Variants in TTC29 observed in about 807,000 individuals in gnomAD.
The protein encoded by TTC29 is tetratricopeptide repeat protein 29.
TTC29 carries 49 observed loss-of-function variants against 58.1 expected under a neutral mutation model. The ratio of observed to expected loss-of-function variants is 0.84; its 90% CI spans 0.67 to 1.07. The LOEUF is 1.07. Ranked by LOEUF, TTC29 falls within the 50% of genes least tolerant of loss-of-function variation. The pLI, the probability that TTC29 is intolerant of heterozygous loss-of-function variation, is 0.00. For missense variants in TTC29, 582 were observed against 555.6 expected, an observed-to-expected ratio of 1.05 and a Z score of -0.48; for synonymous variants, 209 against 196.8, an observed-to-expected ratio of 1.06 and a Z score of -0.52.
chr4:146,744,801 G>A (rs750783852), intron 11 of TTC29, among the ~76,000 whole-genome samples: 4 of 152,116 alleles, frequency 2.6e-5, no homozygotes, highest in Admixed American at 6.6e-5. Context: ...CTAGGCCCTA[G>A]AAATGTCTGG....
intron 11 of TTC29, among the ~76,000 whole-genome samples, chr4:146,784,064 C>CAGGTAT (rs1322040097): frequency 6.7e-6 from 1 of 149,666 alleles, no homozygotes; most frequent in Non-Finnish European, 1.5e-5. Context: ...AGCTAAGTCT[C>CAGGTAT]AGGTATAGTA....
At chr4:146,920,824 A>G (rs1241863118) in intron 4 of TTC29, among the ~76,000 whole-genome samples, 1 of 151,128 alleles carries the variant, frequency 6.6e-6, no homozygotes, top group African/African-American at 2.4e-5. Context: ...GAGAAATTAT[A>G]TATATTCTAT....
intron 5 of TTC29, among the ~76,000 whole-genome samples, chr4:146,908,242 C>A (rs575954618): frequency 5.9e-5 from 9 of 152,068 alleles, no homozygotes; most frequent in South Asian, 2.1e-4. Context: ...GTATTTTCCC[C>A]AAAAAATTTG....
intron 11 of TTC29, among the ~76,000 whole-genome samples, chr4:146,710,288 T>C (rs797013599): frequency 2.6e-5 from 4 of 152,252 alleles, no homozygotes; most frequent in African/African-American, 9.6e-5. Flanking sequence ...CTATAGTGAA[T>C]ATTGTAGGCA....
intron 11 of TTC29, among the ~76,000 whole-genome samples, chr4:146,761,168 A>C (rs902580789): frequency 1.3e-5 from 2 of 151,886 alleles, no homozygotes; most frequent in Non-Finnish European, 2.9e-5. Context: ...AAATCTCATA[A>C]GTCACCACTA....
In TTC29 at chr4:146,862,251, T is replaced by TTATA. The variant is rs113005790; in HGVS notation, c.885+5243_885+5246dup. 2.7e-3 allele frequency among the ~76,000 whole-genome samples: 398 copies of TTATA among 147,106 alleles called. 4 individuals are homozygous for TTATA. The highest frequency in any genetic ancestry group is 8.9e-3 in the African/African-American group (361 of 40,442). ...CTACATATTTATTTATATTTTATCATTATATATATATATATATACATATAC... is the reference window on the plus strand; with the variant it reads ...CTACATATTTATTTATATTTTATCATTATATATATATATATATATATACATATAC... On this transcript the variant is annotated intron_variant, in intron 8 of 12. Coordinates refer to ENST00000325106, the MANE Select transcript of TTC29 (RefSeq NM_031956.4).
intron 8 of TTC29, among the ~76,000 whole-genome samples, chr4:146,842,931 A>C (rs1728938363): frequency 6.6e-6 from 1 of 152,154 alleles, no homozygotes; most frequent in African/African-American, 2.4e-5. Context: ...ATTTCTGGCA[A>C]TCTAACCCCC....
At chr4:146,931,861 T>C (rs1364437293) in intron 4 of TTC29, among the ~76,000 whole-genome samples, 2 of 152,202 alleles carry the variant, frequency 1.3e-5, no homozygotes, top group East Asian at 3.8e-4. Flanking sequence ...CATTTTTTTG[T>C]ACCTAGTGAA....
intron 9 of TTC29, 49 bp from the exon 10 acceptor site, chr4:146,820,297 T>A (rs779087138): frequency 6.3e-7 from 1 of 1,580,694 alleles, no homozygotes; most frequent in South Asian, 1.1e-5. Context: ...TCACTTAATG[T>A]CACAGTAAAG....
intron 8 of TTC29, among the ~76,000 whole-genome samples, chr4:146,842,885 T>A (rs1728936408): frequency 6.6e-6 from 1 of 152,170 alleles, no homozygotes; most frequent in Non-Finnish European, 1.5e-5. Context: ...GAGCTTGAAA[T>A]CATTGTCAAA....
intron 9 of TTC29, among the ~76,000 whole-genome samples, chr4:146,825,784 T>C (rs1727749677): frequency 6.6e-6 from 1 of 152,254 alleles, no homozygotes; most frequent in Non-Finnish European, 1.5e-5. Flanking sequence ...ATCTGGGTGC[T>C]CCTGCATTGG....
chr4:146,753,918 G>C (rs555532623), intron 11 of TTC29, among the ~76,000 whole-genome samples: 15 of 152,078 alleles, frequency 9.9e-5, no homozygotes, highest in East Asian at 3.9e-4. Context: ...GTGGGGGAAG[G>C]GGGGAGGGAT....
intron 11 of TTC29, among the ~76,000 whole-genome samples, chr4:146,708,028 T>TCCAGC (rs2149984773): frequency 6.6e-6 from 1 of 151,964 alleles, no homozygotes; most frequent in South Asian, 2.1e-4. Flanking sequence ...AGTCTAGCCT[T>TCCAGC]CCAGCCATCT....
In TTC29 at chr4:146,775,867, C is replaced by T. The variant is rs536008756; in HGVS notation, c.1330+27590G>A. Among the ~76,000 whole-genome samples the T allele has an allele frequency of 3.3e-5, 5 of 152,264 alleles. No individual in the cohort carries two copies. In the East Asian group the frequency reaches 7.7e-4, roughly 24 times the overall value. The stretch of plus-strand genomic sequence containing the variant: ...ATGTTTTACAGGTTGCTTGCTTTCT[C>T]GCCCTCTCTTTTGGGATGCCAATAA... On this transcript the variant is annotated intron_variant, in intron 11 of 12. Transcript: ENST00000325106.
At chr4:146,748,033 A>C (rs1428916487) in intron 11 of TTC29, among the ~76,000 whole-genome samples, 2 of 152,144 alleles carry the variant, frequency 1.3e-5, no homozygotes, top group African/African-American at 4.8e-5. Flanking sequence ...TGCCTCACAG[A>C]GCCTAGGCTA....
chr4:146,874,967 A>T lies in TTC29; in HGVS notation c.587-39T>A, dbSNP rs137898529. 2.7e-4 allele frequency: 422 copies of T among 1,553,662 alleles called. No individual in the cohort carries two copies. In the African/African-American group the frequency reaches 4.6e-3, roughly 17 times the overall value. ...GCCATTCATAAGTATAAACCAGAGG[A>T]CGGAACGTATTTTCAGAAATTTTGC... is the stretch of plus-strand genomic sequence containing the variant. On this transcript the variant is annotated intron_variant, in intron 6 of 12. Transcript: ENST00000325106.
At chr4:146,854,244 C>T (rs544734071) in intron 8 of TTC29, among the ~76,000 whole-genome samples, 4 of 152,212 alleles carry the variant, frequency 2.6e-5, no homozygotes, top group South Asian at 4.1e-4. Flanking sequence ...TGGGAAAACC[C>T]GAACCAAGTC....
At chr4:146,803,105 T>C (rs1750346937) in intron 11 of TTC29, among the ~76,000 whole-genome samples, 1 of 152,180 alleles carries the variant, frequency 6.6e-6, no homozygotes, top group Admixed American at 6.6e-5. Flanking sequence ...AGTCACTCTT[T>C]TCAGTAAGGT....
chr4:146,901,743 T>C (rs1366743249), intron 6 of TTC29, among the ~76,000 whole-genome samples: 2 of 152,222 alleles, frequency 1.3e-5, no homozygotes, highest in Non-Finnish European at 2.9e-5. Flanking sequence ...ATAAGCACCT[T>C]ATATAAAGTG....
Sources: allele counts gnomAD v4.1 joint callset (sites outside exome capture counted in the v4.1 genomes callset), GRCh38; gene constraint gnomAD v4.1.1; transcripts MANE v1.5; gene names NCBI Gene and HGNC (gene_info 2026-07-23, HGNC 2026-07-21).